SORCS1: variants seen among roughly 807,000 people sequenced by gnomAD.
SORCS1 encodes sortilin related VPS10 domain containing receptor 1, also known as VPS10 domain-containing receptor SorCS1.
In SORCS1, 60 loss-of-function variants were observed where a neutral mutation model predicts 146.1. That is an observed-to-expected ratio of 0.41 (90% CI 0.33 to 0.51). The LOEUF is 0.51. SORCS1 is among the 20% of genes least tolerant of loss of function. The pLI, the probability that SORCS1 is intolerant of heterozygous loss-of-function variation, is 0.21. For synonymous variants in SORCS1, 637 were observed against 584.0 expected, an observed-to-expected ratio of 1.09 and a Z score of -1.31; for missense variants, 1,352 against 1,487.6, an observed-to-expected ratio of 0.91 and a Z score of 1.50.
intron 24 of SORCS1, among the ~76,000 whole-genome samples, chr10:106,579,951 A>G (rs1294183082): frequency 1.3e-5 from 2 of 151,676 alleles, no homozygotes; most frequent in East Asian, 1.9e-4. Context: ...CAATATTTAT[A>G]ATATAATAAT....
At chr10:107,083,440 T>A (rs1027665111) in intron 1 of SORCS1, among the ~76,000 whole-genome samples, 1 of 152,226 alleles carries the variant, frequency 6.6e-6, no homozygotes, top group Non-Finnish European at 1.5e-5. Context: ...TTGTTTCTCA[T>A]ATTATTATTC....
chr10:106,722,999 T>C (rs1210630951), intron 6 of SORCS1, among the ~76,000 whole-genome samples: 1 of 152,132 alleles, frequency 6.6e-6, no homozygotes, highest in Non-Finnish European at 1.5e-5. Context: ...TAGATATACC[T>C]AAACAGTGAC....
At chr10:107,075,399 T>G (rs375116984) in intron 1 of SORCS1, among the ~76,000 whole-genome samples, 19 of 152,276 alleles carry the variant, frequency 1.2e-4, no homozygotes, top group African/African-American at 4.6e-4. Context: ...TTTAAGTGCC[T>G]TCTGAATCTC....
At chr10:106,768,956 T>G (rs1340110993) in intron 4 of SORCS1, among the ~76,000 whole-genome samples, 1 of 152,156 alleles carries the variant, frequency 6.6e-6, no homozygotes, top group Non-Finnish European at 1.5e-5. Flanking sequence ...GAAACTACAT[T>G]TAAACGACCT....
intron 2 of SORCS1, among the ~76,000 whole-genome samples, chr10:106,923,637 A>G (rs1469754945): frequency 6.6e-6 from 1 of 152,176 alleles, no homozygotes; most frequent in African/African-American, 2.4e-5. Flanking sequence ...TGGTGGTGTC[A>G]GTGTCTTGGA....
At chr10:106,807,618 G>T (rs1572456) in intron 3 of SORCS1, among the ~76,000 whole-genome samples, 2 of 152,052 alleles carry the variant, frequency 1.3e-5, no homozygotes, top group African/African-American at 2.4e-5. Context: ...TTCTGCAAAA[G>T]GTAGTAATAT....
rs1293199959 is a variant in SORCS1, at chr10:106,575,208, TG to T, written c.*2211del. 5 of 152,584 alleles carry T rather than the reference TG, an allele frequency of 3.3e-5. No homozygotes were observed. The East Asian group carries it at 9.6e-4, about 29-fold the overall frequency. 9.5% of individuals were successfully genotyped at this position (152,584 alleles called of 1,614,324 possible). A position where few individuals can be genotyped will look rare whatever the true frequency, so the allele number is the denominator to read the frequency against. ...CTATGAGATAGGAAGCCTGGCAGGT[TG>T]GGGATCAATTGAGTTCTACAAATAG... On this transcript the variant is annotated 3_prime_UTR_variant, in exon 26 of 26. Coordinates refer to ENST00000263054, the MANE Select transcript of SORCS1 (RefSeq NM_052918.5).
intron 1 of SORCS1, among the ~76,000 whole-genome samples, chr10:107,134,873 C>T (rs953627094): frequency 6.6e-6 from 1 of 152,118 alleles, no homozygotes; most frequent in African/African-American, 2.4e-5. Flanking sequence ...AGTTGAGTGG[C>T]CATGGCTTTG....
intron 1 of SORCS1, among the ~76,000 whole-genome samples, chr10:107,156,352 C>G (rs186618652): frequency 1.3e-5 from 2 of 152,180 alleles, no homozygotes. Context: ...TTAAGCTTGA[C>G]TTCTACAGCT....
At chr10:106,902,436 G>T (rs1023554956) in intron 2 of SORCS1, among the ~76,000 whole-genome samples, 10 of 152,158 alleles carry the variant, frequency 6.6e-5, no homozygotes, top group Non-Finnish European at 1.2e-4. Context: ...AGAAATAAAT[G>T]ATTTAACCAT....
At chr10:106,945,783 G>A (rs1390787221) in intron 2 of SORCS1, among the ~76,000 whole-genome samples, 2 of 152,212 alleles carry the variant, frequency 1.3e-5, no homozygotes, top group African/African-American at 4.8e-5. Flanking sequence ...GAACTCAGCA[G>A]GGTGTCAATC....
At position 106,577,061 on chromosome 10, in the gene SORCS1, C is replaced by G; in HGVS notation, c.*359G>C. ...TCCAGACATGTTCTCAGAGTATTGT[C>G]CACATGCACAGGCTTAAAGCTAAAA... On this transcript the variant is annotated 3_prime_UTR_variant, in exon 26 of 26. Coordinates refer to ENST00000263054, the MANE Select transcript of SORCS1 (RefSeq NM_052918.5). 1 of 479,862 alleles carries G rather than the reference C, an allele frequency of 2.1e-6. No homozygotes were observed. 29.7% of individuals were successfully genotyped at this position (479,862 alleles called of 1,614,324 possible).
chr10:106,932,993 C>A (rs1317057844), intron 2 of SORCS1, among the ~76,000 whole-genome samples: 1 of 152,228 alleles, frequency 6.6e-6, no homozygotes, highest in Non-Finnish European at 1.5e-5. Context: ...ATTTCTTTCA[C>A]ACCACAAAGG....
At chr10:106,820,874 A>T (rs1947987835) in intron 3 of SORCS1, among the ~76,000 whole-genome samples, 1 of 152,222 alleles carries the variant, frequency 6.6e-6, no homozygotes, top group South Asian at 2.1e-4. Context: ...ACCATTTTCC[A>T]CAGCAGAGCA....
chr10:106,606,272 TATACACACACAC>T (rs200690555), intron 23 of SORCS1, among the ~76,000 whole-genome samples: 5,039 of 107,806 alleles, frequency 0.047, 226 homozygotes, highest in East Asian at 0.21. Flanking sequence ...CACACACAGA[TATACACACACAC>T]ACACACACAC....
intron 1 of SORCS1, among the ~76,000 whole-genome samples, chr10:107,018,180 C>CT (rs924991892): frequency 3.1e-4 from 46 of 149,216 alleles, no homozygotes; most frequent in African/African-American, 4.9e-4. Context: ...CAACTCTCCA[C>CT]TTTTTTTTTT....
At chr10:106,997,846 A>T (rs1003931797) in intron 1 of SORCS1, among the ~76,000 whole-genome samples, 1 of 152,174 alleles carries the variant, frequency 6.6e-6, no homozygotes, top group African/African-American at 2.4e-5. Context: ...CTGTCTCCCA[A>T]GCTCCTTCTC....
chr10:106,836,774 A>T (rs758234733), intron 2 of SORCS1, among the ~76,000 whole-genome samples: 12 of 152,090 alleles, frequency 7.9e-5, no homozygotes, highest in Non-Finnish European at 1.0e-4. Flanking sequence ...TCTCACAAGG[A>T]TCTATGAGGA....
chr10:107,081,632 A>G (rs1963342209), intron 1 of SORCS1, among the ~76,000 whole-genome samples: 1 of 152,228 alleles, frequency 6.6e-6, no homozygotes, highest in South Asian at 2.1e-4. Flanking sequence ...CACTTAGTCT[A>G]TTTATAAATG....
Sources: gnomAD v4.1 joint callset for allele counts (sites outside exome capture counted in the v4.1 genomes callset) on GRCh38, gnomAD v4.1.1 for gene constraint, MANE v1.5 for transcripts, NCBI Gene and HGNC (gene_info 2026-07-23, HGNC 2026-07-21) for gene names.